The following SPTLC2 variants were observed in gnomAD, a reference collection of about 807,000 sequenced individuals.
SPTLC2 encodes the protein serine palmitoyltransferase long chain base subunit 2, also known as serine palmitoyltransferase 2.
SPTLC2 carries 21 observed loss-of-function variants against 62.0 expected under a neutral mutation model. The ratio of observed to expected loss-of-function variants is 0.34; its 90% CI spans 0.24 to 0.49. The LOEUF (loss-of-function observed/expected upper bound fraction) is 0.49. Ranked by LOEUF, SPTLC2 falls within the 20% of genes least tolerant of loss-of-function variation. The pLI, the probability that SPTLC2 is intolerant of heterozygous loss-of-function variation, is 0.99. For synonymous variants in SPTLC2, 261 were observed against 261.8 expected (o/e 1.00, Z 0.03); for missense variants, 511 against 713.0 (o/e 0.72, Z 3.23).
In SPTLC2 at chr14:77,511,212, A is replaced by C. The variant is rs986651888; in HGVS notation, c.*1072T>G. 2.0e-5 allele frequency: 3 copies of C among 152,232 alleles called. No individual in the cohort carries two copies. The highest frequency in any genetic ancestry group is 7.2e-5 in the African/African-American group (3 of 41,460). The allele number at this position is 152,232 out of a possible 1,614,324, so 9.4% of individuals were successfully genotyped here. On this transcript the variant is annotated 3_prime_UTR_variant, in exon 12 of 12. Transcript: ENST00000216484. ...AGCTTCTAAGAGGCCTAAATTAATA[A>C]ACCTAATCCTTAAATAGGAACATGA...
At chr14:77,581,778 A>C (rs1033961019) in intron 2 of SPTLC2, among the ~76,000 whole-genome samples, 1 of 152,176 alleles carries the variant, frequency 6.6e-6, no homozygotes, top group African/African-American at 2.4e-5. Context: ...CATAAATAAC[A>C]TGTCTATCAC....
chr14:77,564,400 T>TACACACACACACACACAC (rs6145397), intron 5 of SPTLC2, among the ~76,000 whole-genome samples: 10 of 139,314 alleles, frequency 7.2e-5, no homozygotes, highest in African/African-American at 1.1e-4. Flanking sequence ...TATGCATGCA[T>TACACACACACACACACAC]ACACACACAC....
intron 9 of SPTLC2, among the ~76,000 whole-genome samples, chr14:77,528,760 C>T (rs2079421503): frequency 6.6e-6 from 1 of 152,094 alleles, no homozygotes; most frequent in Non-Finnish European, 1.5e-5. Context: ...TTTCATTTAA[C>T]AATTTTTTAT....
chr14:77,601,287 G>T (rs2079875860), intron 1 of SPTLC2, among the ~76,000 whole-genome samples: 1 of 152,030 alleles, frequency 6.6e-6, no homozygotes, highest in Non-Finnish European at 1.5e-5. Context: ...ATTTGTTTCT[G>T]CCCCACCCTA....
At chr14:77,612,544 T>C (rs1272312810) in intron 1 of SPTLC2, among the ~76,000 whole-genome samples, 2 of 152,246 alleles carry the variant, frequency 1.3e-5, no homozygotes, top group African/African-American at 4.8e-5. Context: ...AGCCTTCAGG[T>C]ATCTGAGGTA....
chr14:77,531,298 C>T (rs986893855), intron 9 of SPTLC2, among the ~76,000 whole-genome samples: 24 of 152,164 alleles, frequency 1.6e-4, no homozygotes, highest in African/African-American at 5.6e-4. Context: ...CCACAGCAAC[C>T]TAGTCTGTGA....
chr14:77,565,280 TAATAAC>T (rs1454895553), intron 5 of SPTLC2, among the ~76,000 whole-genome samples: 1 of 118,506 alleles, frequency 8.4e-6, no homozygotes, highest in Admixed American at 8.5e-5. Context: ...AACACCAAGG[TAATAAC>T]TGCCACAGGC....
chr14:77,564,977 C>T (rs867977901), intron 5 of SPTLC2, among the ~76,000 whole-genome samples: 2 of 151,870 alleles, frequency 1.3e-5, no homozygotes, highest in Non-Finnish European at 2.9e-5. Flanking sequence ...CGGTGGCTCA[C>T]GCCTGTAATC....
intron 5 of SPTLC2, among the ~76,000 whole-genome samples, chr14:77,565,675 T>C (rs776773427): frequency 1.3e-5 from 2 of 152,202 alleles, no homozygotes; most frequent in Non-Finnish European, 2.9e-5. Context: ...ACAGGAACTA[T>C]CCCAGATTGG....
intron 2 of SPTLC2, among the ~76,000 whole-genome samples, chr14:77,585,720 T>C (rs1382719734): frequency 1.3e-5 from 2 of 152,214 alleles, no homozygotes; most frequent in African/African-American, 4.8e-5. Flanking sequence ...TCAGCTTTAC[T>C]TTTATTCAAA....
chr14:77,591,884 C>G (rs1184213968), intron 2 of SPTLC2, among the ~76,000 whole-genome samples: 1 of 151,672 alleles, frequency 6.6e-6, no homozygotes, highest in East Asian at 2.0e-4. Flanking sequence ...CCACCACGCC[C>G]CAGATAATTC....
At position 77,513,827 on chromosome 14, in the gene SPTLC2, G is replaced by A. The variant is rs548757325; in HGVS notation, c.1570-1424C>T. ...GGAGAATCGCTTGAACCCAGGGGGC[G>A]GAGGCTGCGGTGAGTTGAGTTCATG... On this transcript the variant is annotated intron_variant, in intron 11 of 11. Transcript: ENST00000216484. 1.6e-3 allele frequency among the ~76,000 whole-genome samples: 239 copies of A among 151,526 alleles called. 1 individual carries two copies. The highest frequency in any genetic ancestry group is 5.6e-3 in the African/African-American group (232 of 41,352).
chr14:77,585,647 T>A (rs914672552), intron 2 of SPTLC2, among the ~76,000 whole-genome samples: 1 of 152,072 alleles, frequency 6.6e-6, no homozygotes, highest in African/African-American at 2.4e-5. Context: ...ATGCATCCAG[T>A]GCAGGGAAAA....
chr14:77,592,533 C>G (rs752899588), intron 2 of SPTLC2, among the ~76,000 whole-genome samples: 1 of 152,120 alleles, frequency 6.6e-6, no homozygotes, highest in Non-Finnish European at 1.5e-5. Flanking sequence ...TGAAAATAAG[C>G]CTATTGGGAT....
In SPTLC2 at chr14:77,555,764, C is replaced by T. The variant is rs114998199; in HGVS notation, c.957-245G>A. ...CCAAGTAGCTGGGACTAGAGGTGCC[C>T]GCCACCACCACGCCCAGATAATGTT... On this transcript the variant is annotated intron_variant, in intron 7 of 11. Transcript: ENST00000216484. Among the ~76,000 whole-genome samples, 3,696 of 151,894 alleles carry T rather than the reference C, an allele frequency of 0.024. 141 individuals are homozygous for T. Among genetic ancestry groups the T allele is most frequent in the African/African-American group, 0.085 (3,525 of 41,386 alleles).
chr14:77,561,880 A>C (rs182781690), intron 6 of SPTLC2, among the ~76,000 whole-genome samples: 3 of 152,290 alleles, frequency 2.0e-5, no homozygotes, highest in African/African-American at 7.2e-5. Context: ...TTAACTATGA[A>C]AGTTACGCAT....
chr14:77,548,316 A>G (rs2079539778), intron 9 of SPTLC2, among the ~76,000 whole-genome samples: 2 of 152,232 alleles, frequency 1.3e-5, no homozygotes, highest in African/African-American at 2.4e-5. Flanking sequence ...ATTTACTGAA[A>G]GGATCCTAGA....
rs775991607 is a variant in SPTLC2, at chr14:77,521,584, G to A, written c.1304-3C>T. 1 of 1,613,712 alleles carries A rather than the reference G, an allele frequency of 6.2e-7. No individual in the cohort carries two copies. The highest frequency in any genetic ancestry group is 8.5e-7 in the Non-Finnish European group (1 of 1,179,792). On this transcript the variant is annotated splice_polypyrimidine_tract_variant and splice_region_variant and intron_variant, in intron 9 of 11. Coordinates refer to ENST00000216484, the MANE Select transcript of SPTLC2 (RefSeq NM_004863.4). ...TAACTGTTGTACACACTCTTTACCT[G>A]GAAAGTCACGGTGAGAGAAAACAAA...
At chr14:77,562,527 G>T in intron 5 of SPTLC2, 38 bp from the exon 6 acceptor site, 1 of 1,559,242 alleles carries the variant, frequency 6.4e-7, no homozygotes, top group South Asian at 1.1e-5. Flanking sequence ...AGAAGCTGGA[G>T]GGGAAAGGGT....
Sources: allele counts gnomAD v4.1 joint callset (sites outside exome capture counted in the v4.1 genomes callset), GRCh38; gene constraint gnomAD v4.1.1; transcripts MANE v1.5; gene names NCBI Gene and HGNC (gene_info 2026-07-23, HGNC 2026-07-21).